The following CCNH variants were observed in gnomAD, a reference collection of about 807,000 sequenced individuals.
The protein encoded by CCNH is cyclin H, also known as cyclin-H.
CCNH carries 31 observed loss-of-function variants against 41.9 expected under a neutral mutation model. That is an observed-to-expected ratio of 0.74 (90% CI 0.56 to 1.00). The LOEUF (loss-of-function observed/expected upper bound fraction) is 1.00. Among genes scored for constraint, CCNH ranks in the 50% least tolerant of loss-of-function variants. The pLI is 0.00. For synonymous variants in CCNH, 138 were observed against 136.1 expected (o/e 1.01, Z -0.10); for missense variants, 362 against 388.4 (o/e 0.93, Z 0.57).
chr5:87,352,545 C>T (rs1255356906), intron 9 of CCNH, among the ~76,000 whole-genome samples: 1 of 151,606 alleles, frequency 6.6e-6, no homozygotes, highest in Admixed American at 6.6e-5. Context: ...TACAGTATGT[C>T]ATTTTATTTT....
chr5:87,388,516 A>G (rs1292694285), downstream of CCNH, among the ~76,000 whole-genome samples: 2 of 152,198 alleles, frequency 1.3e-5, no homozygotes, highest in Non-Finnish European at 2.9e-5. Context: ...GGGATGCTCA[A>G]CTGGCAAGTA....
rs369461739 is a variant in CCNH, at chr5:87,408,062, C to A, written c.439G>T (p.Glu147Ter). The A allele has an allele frequency of 3.1e-6, 5 of 1,613,412 alleles. No homozygotes were observed. The African/African-American group carries it at 6.7e-5, about 22-fold the overall frequency. ...EKALEQILEYELLLIQQLNFH... is the reference protein window; with the variant it reads ...EKALEQILEY ...TTAAGTTGCTGTATAAGAAGTAGTT[C>A]ATATTCCAGTATCTGTTCAAGTGCC... Residue 147 changes from glutamate to a stop codon, truncating the protein, a stop_gained, in exon 4 of 9, where the codon GAA becomes TAA. Transcript: ENST00000256897. LOFTEE classifies it high-confidence loss of function.
At position 87,395,089 on chromosome 5, in the gene CCNH, G is replaced by A. The variant is rs1325717135; in HGVS notation, c.888C>T (p.Gly296=). The A allele has an allele frequency of 1.2e-6, 2 of 1,610,820 alleles. No individual in the cohort carries two copies. The highest frequency in any genetic ancestry group is 1.7e-6 in the Non-Finnish European group (2 of 1,177,876). The change falls in exon 8 of 9, where the codon GGC becomes GGT. Residue 296 remains glycine (G), a synonymous_variant. Transcript: ENST00000256897. The part of the protein sequence containing the change: ...ALNVITKKRK[G]YEDDDYVSKK... The stretch of plus-strand genomic sequence containing the variant: ...TTGAGACGTAATCATCATCTTCATA[G>A]CCTTTCCTCTTCTTCCTATAATTAA...
chr5:87,376,640 A>C, exon 1 of CCNH: 1 of 1,511,608 alleles, frequency 6.6e-7, no homozygotes, highest in Non-Finnish European at 9.1e-7. Context: ...AGATCCATTA[A>C]GGTAAACATA....
At chr5:87,346,749 CT>C (rs1374854223) in intron 9 of CCNH, 1 of 1,476,516 alleles carries the variant, frequency 6.8e-7, no homozygotes, top group Middle Eastern at 1.7e-4. Flanking sequence ...ACTTGCTTTT[CT>C]AATGTCTATT....
upstream of CCNH, chr5:87,379,593 C>CA: frequency 8.5e-7 from 1 of 1,170,236 alleles, no homozygotes; most frequent in Non-Finnish European, 1.2e-6. Context: ...TAAAAACTCC[C>CA]ATTATACAAA....
At chr5:87,379,602 A>G (rs998726229), upstream of CCNH, 1 of 1,266,788 alleles carries the variant, frequency 7.9e-7, no homozygotes, top group Non-Finnish European at 1.1e-6. Flanking sequence ...CCATTATACA[A>G]AGAAAAAAGA....
chr5:87,326,384 G>T (rs537505532), intron 9 of CCNH, among the ~76,000 whole-genome samples: 1 of 152,140 alleles, frequency 6.6e-6, no homozygotes, highest in East Asian at 1.9e-4. Flanking sequence ...TTAGATGTAT[G>T]ATATTGTATG....
intron 4 of CCNH, among the ~76,000 whole-genome samples, chr5:87,406,111 A>G (rs1763770178): frequency 6.6e-6 from 1 of 152,114 alleles, no homozygotes; most frequent in Non-Finnish European, 1.5e-5. Flanking sequence ...ACTATCTCTT[A>G]CCAAAGAAAG....
At chr5:87,383,444 AAAC>A (rs1462637741) in intron 9 of CCNH, among the ~76,000 whole-genome samples, 3 of 152,194 alleles carry the variant, frequency 2.0e-5, no homozygotes, top group Admixed American at 2.0e-4. Flanking sequence ...TACTACAGAT[AAAC>A]AACATTTTCC....
chr5:87,367,073 A>G (rs959625863), intron 9 of CCNH, among the ~76,000 whole-genome samples: 7 of 152,180 alleles, frequency 4.6e-5, no homozygotes, highest in Admixed American at 2.0e-4. Flanking sequence ...TTTTTTTTTC[A>G]AAGTATGCTA....
At chr5:87,325,205 G>C (rs377576929) in intron 9 of CCNH, among the ~76,000 whole-genome samples, 2 of 152,250 alleles carry the variant, frequency 1.3e-5, no homozygotes, top group African/African-American at 4.8e-5. Context: ...ATTAGATCTC[G>C]TGAGAACTCA....
chr5:87,361,827 T>G (rs998764729), intron 9 of CCNH, among the ~76,000 whole-genome samples: 1 of 151,884 alleles, frequency 6.6e-6, no homozygotes, highest in Non-Finnish European at 1.5e-5. Context: ...AATATAAATA[T>G]GTTGCTTAGT....
chr5:87,353,309 A>G (rs1759418059), intron 9 of CCNH: 2 of 1,171,544 alleles, frequency 1.7e-6, no homozygotes, highest in South Asian at 2.5e-5. Flanking sequence ...GTTTTTGCAC[A>G]CATTTGTACA....
In CCNH at chr5:87,358,886, A is replaced by G. The variant is rs115516306; in HGVS notation, c.*90+33884T>C. Among the ~76,000 whole-genome samples the G allele has an allele frequency of 9.9e-3, 1,509 of 152,246 alleles. 24 individuals are homozygous for G. The highest frequency in any genetic ancestry group is 0.035 in the African/African-American group (1,456 of 41,540). On this transcript the variant is annotated intron_variant and NMD_transcript_variant, in intron 9 of 9. Coordinates refer to the CCNH transcript ENST00000645953. ...TGTGTCCAAAATTGTTTTCTCTTGGATATCCACTAGCCTCACTCTTACATC... is the reference window on the plus strand; with the variant it reads ...TGTGTCCAAAATTGTTTTCTCTTGGGTATCCACTAGCCTCACTCTTACATC...
At position 87,385,242 on chromosome 5, in the gene CCNH, G is replaced by T. The variant is rs1374162884; in HGVS notation, c.*90+7528C>A. ...AATATTAAAGTGCTAAATTTATAAT[G>T]GTTTAGCTGGAAGTGCTGTTGGACT... On this transcript the variant is annotated intron_variant and NMD_transcript_variant, in intron 9 of 9. Coordinates refer to the CCNH transcript ENST00000645953. 2.8e-6 allele frequency: 3 copies of T among 1,054,708 alleles called. No homozygotes were observed. In the African/African-American group the frequency reaches 4.7e-5, roughly 17 times the overall value. The allele number at this position is 1,054,708 out of a possible 1,614,324, so 65.3% of individuals were successfully genotyped here.
At chr5:87,406,984 A>G (rs563663900) in intron 4 of CCNH, among the ~76,000 whole-genome samples, 9 of 152,196 alleles carry the variant, frequency 5.9e-5, no homozygotes, top group South Asian at 2.1e-4. Context: ...AATCTGTAAC[A>G]TTGTCTCCAC....
exon 1 of CCNH, chr5:87,377,040 G>A: frequency 1.2e-6 from 2 of 1,612,728 alleles, no homozygotes; most frequent in Non-Finnish European, 1.7e-6. Flanking sequence ...AAGCATGGAA[G>A]GTATGGTATG....
chr5:87,338,689 G>A (rs7714386), intron 9 of CCNH, among the ~76,000 whole-genome samples: 6,935 of 150,592 alleles, frequency 0.046, 327 homozygotes, highest in African/African-American at 0.11. Context: ...GCTTATTTTT[G>A]TTCTTTTTTT....
Sources: gnomAD v4.1 joint callset for allele counts (sites outside exome capture counted in the v4.1 genomes callset) on GRCh38, gnomAD v4.1.1 for gene constraint, MANE v1.5 for transcripts, NCBI Gene and HGNC (gene_info 2026-07-23, HGNC 2026-07-21) for gene names.